RXFP2: variants seen among roughly 807,000 people sequenced by gnomAD.
RXFP2 encodes the protein relaxin family peptide receptor 2.
In RXFP2, 68 loss-of-function variants were observed where a neutral mutation model predicts 88.6. The observed-to-expected ratio is 0.77, with a 90% CI of 0.63 to 0.94. The LOEUF (loss-of-function observed/expected upper bound fraction) is 0.94, where lower values mean the gene tolerates loss of function less well. RXFP2 is among the 40% of genes least tolerant of loss of function. The pLI is 0.00. For missense variants in RXFP2, 791 were observed against 893.9 expected, an observed-to-expected ratio of 0.88 and a Z score of 1.47; for synonymous variants, 329 against 306.8, an observed-to-expected ratio of 1.07 and a Z score of -0.76.
At chr13:31,749,795 A>G (rs948608804) in intron 1 of RXFP2, among the ~76,000 whole-genome samples, 1 of 152,234 alleles carries the variant, frequency 6.6e-6, no homozygotes, top group Non-Finnish European at 1.5e-5. Context: ...ATTCACAGTC[A>G]TATTATTTAT....
intron 17 of RXFP2, among the ~76,000 whole-genome samples, chr13:31,797,713 T>C (rs1447530631): frequency 2.0e-5 from 3 of 152,140 alleles, no homozygotes. Context: ...AAAATATACA[T>C]GCCCAGGTTC....
chr13:31,758,206 G>T, intron 1 of RXFP2, 52 bp from the exon 2 acceptor site: 1 of 1,602,980 alleles, frequency 6.2e-7, no homozygotes, highest in Non-Finnish European at 8.5e-7. Context: ...GGGACAACAC[G>T]GAGAGAGCTT....
chr13:31,787,237 A>G (rs1157445417), intron 13 of RXFP2, among the ~76,000 whole-genome samples: 1 of 152,238 alleles, frequency 6.6e-6, no homozygotes, highest in Non-Finnish European at 1.5e-5. Context: ...CACAGACAGC[A>G]GACTACGCTG....
intron 13 of RXFP2, among the ~76,000 whole-genome samples, chr13:31,787,019 A>G (rs927059247): frequency 8.5e-5 from 13 of 152,252 alleles, no homozygotes; most frequent in African/African-American, 3.1e-4. Flanking sequence ...TCTACTTGAT[A>G]TTAGTGTACA....
At chr13:31,765,293 AG>A (rs1566221887) in intron 4 of RXFP2, 151 bp downstream of exon 4, 2 of 637,148 alleles carry the variant, frequency 3.1e-6, no homozygotes, top group East Asian at 5.6e-5. Context: ...CTTCCTATTC[AG>A]GGGGAAAAAA....
At position 31,791,672 on chromosome 13, in the gene RXFP2, A is replaced by G. The variant is rs77467745; in HGVS notation, c.1146-134A>G. On this transcript the variant is annotated intron_variant, in intron 14 of 17. Coordinates refer to ENST00000298386, the MANE Select transcript of RXFP2 (RefSeq NM_130806.5). ...TTCATGAAGAACTCTTTAATTATAT[A>G]AACACTACTAAACAAAAATAAACAA... The G allele has an allele frequency of 7.4e-3, 5,116 of 695,474 alleles. 177 individuals carry two copies. The African/African-American group carries it at 0.08, about 11-fold the overall frequency. The allele number at this position is 695,474 out of a possible 1,614,324, so 43.1% of individuals were successfully genotyped here. A position where few individuals can be genotyped will look rare whatever the true frequency, so the allele number is the denominator to read the frequency against.
intron 11 of RXFP2, 148 bp downstream of exon 11, chr13:31,782,895 C>A: frequency 1.6e-6 from 1 of 640,540 alleles, no homozygotes; most frequent in Non-Finnish European, 2.8e-6. Context: ...CCAACATTAT[C>A]CTGAAGTCCA....
chr13:31,765,367 T>G (rs142088626), intron 4 of RXFP2, among the ~76,000 whole-genome samples: 2 of 152,302 alleles, frequency 1.3e-5, no homozygotes, highest in Admixed American at 6.5e-5. Flanking sequence ...TCTGTGGGCC[T>G]GGAGTTCTTA....
intron 7 of RXFP2, among the ~76,000 whole-genome samples, chr13:31,777,049 C>T (rs1383668712): frequency 6.6e-6 from 1 of 152,102 alleles, no homozygotes; most frequent in Non-Finnish European, 1.5e-5. Flanking sequence ...TTTATGGAGC[C>T]CAAATGCATT....
chr13:31,750,546 T>C (rs1871620916), intron 1 of RXFP2, among the ~76,000 whole-genome samples: 1 of 152,160 alleles, frequency 6.6e-6, no homozygotes, highest in African/African-American at 2.4e-5. Flanking sequence ...AAACCTCTGA[T>C]CTAACGCATG....
intron 2 of RXFP2, among the ~76,000 whole-genome samples, chr13:31,758,802 C>T (rs1269107896): frequency 6.6e-6 from 1 of 152,042 alleles, no homozygotes; most frequent in African/African-American, 2.4e-5. Flanking sequence ...CTTTGGAAGG[C>T]CGAGGCAGGT....
At chr13:31,778,008 C>G (rs1005155257) in intron 8 of RXFP2, among the ~76,000 whole-genome samples, 4 of 152,090 alleles carry the variant, frequency 2.6e-5, no homozygotes, top group African/African-American at 9.7e-5. Context: ...CAAAAGGAAC[C>G]ACAATATCAT....
chr13:31,774,583 C>A lies in RXFP2; in HGVS notation c.498-37C>A, dbSNP rs746915272. The A allele has an allele frequency of 9.6e-6, 10 of 1,036,716 alleles. No individual in the cohort carries two copies. In the Admixed American group the frequency reaches 1.7e-4, roughly 18 times the overall value. 64.2% of individuals were successfully genotyped at this position (1,036,716 alleles called of 1,614,324 possible). The stretch of plus-strand genomic sequence containing the variant: ...TCAACAACCTAATATAGTCCATAAA[C>A]CATAATCACCTGACTCTCTTATCTT... On this transcript the variant is annotated intron_variant, in intron 5 of 17. Coordinates refer to ENST00000298386, the MANE Select transcript of RXFP2 (RefSeq NM_130806.5).
chr13:31,786,999 C>T (rs1184751537), intron 13 of RXFP2, among the ~76,000 whole-genome samples: 1 of 152,210 alleles, frequency 6.6e-6, no homozygotes, highest in Non-Finnish European at 1.5e-5. Context: ...TTTGCCCTTT[C>T]CTACAAGGAT....
chr13:31,740,951 AT>A (rs1355756841), intron 1 of RXFP2, among the ~76,000 whole-genome samples: 2 of 152,034 alleles, frequency 1.3e-5, no homozygotes, highest in African/African-American at 4.8e-5. Flanking sequence ...AATTTTAAGA[AT>A]ATACAGCTAC....
rs1258356741 is a variant in RXFP2, at chr13:31,786,335, T to C, written c.930-48T>C. On this transcript the variant is annotated intron_variant, in intron 11 of 17. Transcript: ENST00000298386. The stretch of plus-strand genomic sequence containing the variant: ...ATAATTGTGAGGAGTAATAAGTCTG[T>C]CATTTACTTCCAAAGTAATTGCTTT... 6 of 1,253,746 alleles carry C rather than the reference T, an allele frequency of 4.8e-6. No homozygotes were observed. The Admixed American group carries it at 1.0e-4, about 21-fold the overall frequency. The allele number at this position is 1,253,746 out of a possible 1,614,324, so 77.7% of individuals were successfully genotyped here. A position where few individuals can be genotyped will look rare whatever the true frequency, so the allele number is the denominator to read the frequency against.
Position 31,791,941 on chromosome 13 carries a change from C to G in RXFP2, c.1281C>G (p.Phe427Leu), listed in dbSNP as rs377677330. 1 of 1,614,028 alleles carries G rather than the reference C, an allele frequency of 6.2e-7. No individual in the cohort carries two copies. The highest frequency in any genetic ancestry group is 1.3e-5 in the African/African-American group (1 of 74,930). Reference protein sequence around the residue: ...ILRIFVWVIAFITCFGNLFVI... With the variant: ...ILRIFVWVIALITCFGNLFVI... ...GAATATTTGTCTGGGTTATAGCTTTCATTACCTGCTTTGGAAATCTTTTTG... is the reference window on the plus strand; with the variant it reads ...GAATATTTGTCTGGGTTATAGCTTTGATTACCTGCTTTGGAAATCTTTTTG... Residue 427 changes from phenylalanine to leucine, a missense_variant, in exon 15 of 18, where the codon TTC (phenylalanine) becomes TTG (leucine). Transcript: ENST00000298386.
At chr13:31,768,888 A>G (rs1759628012) in intron 5 of RXFP2, among the ~76,000 whole-genome samples, 1 of 152,058 alleles carries the variant, frequency 6.6e-6, no homozygotes, top group South Asian at 2.1e-4. Context: ...TCCTCATTCA[A>G]TGACCCAAAT....
intron 1 of RXFP2, 57 bp downstream of exon 1, chr13:31,739,763 A>G: frequency 3.8e-6 from 4 of 1,040,908 alleles, no homozygotes; most frequent in East Asian, 4.7e-5. Context: ...ATACATTTCT[A>G]TGTAGTTCTA....
Sources: gnomAD v4.1 joint callset for allele counts (sites outside exome capture counted in the v4.1 genomes callset) on GRCh38, gnomAD v4.1.1 for gene constraint, MANE v1.5 for transcripts, NCBI Gene and HGNC (gene_info 2026-07-23, HGNC 2026-07-21) for gene names.